The following RBFOX1 variants were observed in gnomAD, a reference collection of about 807,000 sequenced individuals.
RBFOX1 encodes the protein RNA binding protein fox-1 homolog 1.
Under a neutral mutation model 57.7 loss-of-function variants are expected in RBFOX1, and 8 were observed. The ratio of observed to expected loss-of-function variants is 0.14; its 90% CI spans 0.08 to 0.25. The LOEUF (loss-of-function observed/expected upper bound fraction) is 0.25. Among genes scored for constraint, RBFOX1 ranks in the 10% least tolerant of loss-of-function variants. The pLI, the probability that RBFOX1 is intolerant of heterozygous loss-of-function variation, is 1.00. For missense variants in RBFOX1, 611 were observed against 548.5 expected (o/e 1.11, Z -1.14); for synonymous variants, 326 against 222.4 (o/e 1.47, Z -4.15).
At chr16:6,507,897 T>G (rs1194252621) in intron 2 of RBFOX1, among the ~76,000 whole-genome samples, 1 of 152,278 alleles carries the variant, frequency 6.6e-6, no homozygotes, top group Non-Finnish European at 1.5e-5. Context: ...TCTACAGATG[T>G]ATTGTACAAA....
intron 1 of RBFOX1, among the ~76,000 whole-genome samples, chr16:6,215,698 T>C (rs949242080): frequency 1.3e-5 from 2 of 152,158 alleles, no homozygotes; most frequent in African/African-American, 4.8e-5. Flanking sequence ...ATGGATTGTT[T>C]ATCCTGGGTG....
intron 3 of RBFOX1, among the ~76,000 whole-genome samples, chr16:6,811,975 G>T (rs1362314188): frequency 6.6e-6 from 1 of 152,118 alleles, no homozygotes; most frequent in Admixed American, 6.6e-5. Flanking sequence ...TACAGATGTT[G>T]TTTCTCCTCA....
chr16:7,124,722 A>G (rs2068051189), intron 4 of RBFOX1, among the ~76,000 whole-genome samples: 1 of 151,884 alleles, frequency 6.6e-6, no homozygotes, highest in South Asian at 2.1e-4. Flanking sequence ...ACTCTATATC[A>G]CATACGGAAA....
At chr16:7,703,366 G>C (rs1481047868) in intron 14 of RBFOX1, among the ~76,000 whole-genome samples, 1 of 152,108 alleles carries the variant, frequency 6.6e-6, no homozygotes, top group Non-Finnish European at 1.5e-5. Flanking sequence ...TGGCTGTTTA[G>C]GATGTCTTTG....
rs114926414 is a variant in RBFOX1 at position 6,619,526 on chromosome 16, G to C, written c.-63-35077G>C. On this transcript the variant is annotated intron_variant, in intron 2 of 15. Transcript: ENST00000550418. ...CTTTCTGCTTAGTTAGGAGAGGACT[G>C]TAAACTCAGCTTAAGCAAAAATAAG... 3.6e-3 allele frequency among the ~76,000 whole-genome samples: 545 copies of C among 152,082 alleles called. 4 individuals are homozygous for C. Among genetic ancestry groups the C allele is most frequent in the African/African-American group, 0.012 (518 of 41,494 alleles).
At chr16:5,781,511 A>G (rs1022806063) in intron 3 of RBFOX1, among the ~76,000 whole-genome samples, 1 of 152,212 alleles carries the variant, frequency 6.6e-6, no homozygotes, top group African/African-American at 2.4e-5. Context: ...AATGTTCTCT[A>G]GGAAAGGAAT....
At chr16:7,315,464 C>T (rs1257841523) in intron 4 of RBFOX1, among the ~76,000 whole-genome samples, 1 of 151,534 alleles carries the variant, frequency 6.6e-6, no homozygotes, top group Non-Finnish European at 1.5e-5. Context: ...CTACCCCCCC[C>T]CCCATACTGG....
At chr16:7,114,833 G>A (rs1046072391) in intron 4 of RBFOX1, among the ~76,000 whole-genome samples, 1 of 152,146 alleles carries the variant, frequency 6.6e-6, no homozygotes, top group Non-Finnish European at 1.5e-5. Context: ...TGGTTTTCAT[G>A]AAGCCAAATC....
intron 4 of RBFOX1, among the ~76,000 whole-genome samples, chr16:7,187,464 C>G (rs1251787720): frequency 6.6e-6 from 1 of 151,276 alleles, no homozygotes; most frequent in Non-Finnish European, 1.5e-5. Context: ...CCAAGGCGGG[C>G]TAATCACGAG....
In RBFOX1 at chr16:5,516,760, A is replaced by G. The variant is rs146907090; in HGVS notation, c.258+49506A>G. Among the ~76,000 whole-genome samples, 245 of 152,162 alleles carry G rather than the reference A, an allele frequency of 1.6e-3. 1 individual carries two copies. The highest frequency in any genetic ancestry group is 5.8e-3 in the African/African-American group (241 of 41,516). On this transcript the variant is annotated intron_variant, in intron 2 of 2. Transcript: ENST00000585867. ...TGTTCTCGAGATAGTGAGTTCTCAT[A>G]AGATCTGTTGGTTTTATAAGGGGCT...
At position 7,710,800 on chromosome 16, in the gene RBFOX1, C is replaced by T. The variant is rs1227551931; in HGVS notation, c.*55C>T. 4 of 1,425,422 alleles carry T rather than the reference C, an allele frequency of 2.8e-6. No homozygotes were observed. Among genetic ancestry groups the T allele is most frequent in the South Asian group, 3.0e-5 (2 of 67,126 alleles). 88.3% of individuals were successfully genotyped at this position (1,425,422 alleles called of 1,614,324 possible). ...GGGGAGAAAGGAAGCTTTCCGAGGC[C>T]TGAGTATTGCAATACATGCAGTAGT... On this transcript the variant is annotated 3_prime_UTR_variant, in exon 16 of 16. Transcript: ENST00000550418.
chr16:5,492,612 G>A (rs1014981405), intron 2 of RBFOX1, among the ~76,000 whole-genome samples: 1 of 152,200 alleles, frequency 6.6e-6, no homozygotes, highest in Non-Finnish European at 1.5e-5. Context: ...AGAAGGACTT[G>A]TCTATGCTGC....
intron 3 of RBFOX1, among the ~76,000 whole-genome samples, chr16:5,663,573 G>A (rs2049728864): frequency 1.3e-5 from 2 of 152,086 alleles, no homozygotes. Flanking sequence ...GAGAGTGCAG[G>A]GGGTGCAATC....
chr16:7,546,833 A>T (rs145933963), intron 5 of RBFOX1, among the ~76,000 whole-genome samples: 4 of 152,176 alleles, frequency 2.6e-5, no homozygotes, highest in South Asian at 2.1e-4. Flanking sequence ...CACTGTGACA[A>T]ATATCACCTT....
intron 14 of RBFOX1, among the ~76,000 whole-genome samples, chr16:7,684,783 T>C (rs186400260): frequency 9.4e-4 from 143 of 152,208 alleles, no homozygotes; most frequent in African/African-American, 3.4e-3. Context: ...GGATGACTAC[T>C]ACCAAACAGA....
intron 2 of RBFOX1, among the ~76,000 whole-genome samples, chr16:6,371,729 T>C (rs1306149522): frequency 6.6e-6 from 1 of 152,116 alleles, no homozygotes; most frequent in Non-Finnish European, 1.5e-5. Context: ...ACAATATAGA[T>C]AGAACTAGGA....
At chr16:7,409,122 A>G (rs1222776447) in intron 4 of RBFOX1, among the ~76,000 whole-genome samples, 2 of 152,224 alleles carry the variant, frequency 1.3e-5, no homozygotes, top group Non-Finnish European at 2.9e-5. Flanking sequence ...TCTAAGCCAG[A>G]TCAGCAGAAT....
intron 3 of RBFOX1, among the ~76,000 whole-genome samples, chr16:6,994,924 G>T (rs2092027798): frequency 6.7e-6 from 1 of 150,334 alleles, no homozygotes; most frequent in Non-Finnish European, 1.5e-5. Context: ...CCCTGATTGG[G>T]CATGTGATTC....
intron 2 of RBFOX1, among the ~76,000 whole-genome samples, chr16:5,479,588 G>A (rs8046414): frequency 0.59 from 89,034 of 151,718 alleles, 26,692 homozygotes; most frequent in Non-Finnish European, 0.65. Flanking sequence ...GTAAAACCCC[G>A]TCTCTTCTAA....
Sources: gnomAD v4.1 joint callset for allele counts (sites outside exome capture counted in the v4.1 genomes callset) on GRCh38, gnomAD v4.1.1 for gene constraint, MANE v1.5 for transcripts, NCBI Gene and HGNC (gene_info 2026-07-23, HGNC 2026-07-21) for gene names.